The following RYR2 variants were observed in gnomAD, a reference collection of about 807,000 sequenced individuals.
The protein encoded by RYR2 is ryanodine receptor 2.
Under a neutral mutation model 601.1 loss-of-function variants are expected in RYR2, and 227 were observed. The observed-to-expected ratio is 0.38, with a 90% CI of 0.34 to 0.42. The LOEUF (loss-of-function observed/expected upper bound fraction) is 0.42, where lower values mean the gene tolerates loss of function less well. Ranked by LOEUF, RYR2 falls within the 10% of genes least tolerant of loss-of-function variation. The pLI is 1.00. For synonymous variants in RYR2, 2,223 were observed against 2,175.1 expected (o/e 1.02, Z -0.61); for missense variants, 4,646 against 6,156.5 (o/e 0.75, Z 8.21).
At chr1:237,251,127 C>G (rs781212182) in intron 1 of RYR2, among the ~76,000 whole-genome samples, 1 of 151,802 alleles carries the variant, frequency 6.6e-6, no homozygotes, top group Non-Finnish European at 1.5e-5. Context: ...TTGTCTGTTT[C>G]GATCTTTCCT....
intron 36 of RYR2, among the ~76,000 whole-genome samples, chr1:237,612,200 G>C (rs1677952815): frequency 6.6e-6 from 1 of 152,096 alleles, no homozygotes; most frequent in Admixed American, 6.5e-5. Flanking sequence ...CTACTAGTGT[G>C]GGATTTTATT....
At position 237,623,836 on chromosome 1, in the gene RYR2, A is replaced by G. The variant is rs1327855222; in HGVS notation, c.5988A>G (p.Leu1996=). ...GTCCAGAAGAAATTCGTGACCAACTATTGGATTTCCATGAAGATTTGATGA... is the reference window on the plus strand; with the variant it reads ...GTCCAGAAGAAATTCGTGACCAACTGTTGGATTTCCATGAAGATTTGATGA... ...CPCPEEIRDQ[L]LDFHEDLMTH... Residue 1996 remains leucine, a synonymous_variant, in exon 39 of 105, where the codon CTA becomes CTG. Coordinates refer to ENST00000366574, the MANE Select transcript of RYR2 (RefSeq NM_001035.3). The G allele has an allele frequency of 6.2e-7, 1 of 1,612,784 alleles. No individual in the cohort carries two copies.
At chr1:237,500,365 A>T (rs1664501937) in intron 20 of RYR2, among the ~76,000 whole-genome samples, 1 of 152,158 alleles carries the variant, frequency 6.6e-6, no homozygotes. Context: ...CAAGTAGTAG[A>T]TGGTAAGGTA....
intron 80 of RYR2, among the ~76,000 whole-genome samples, chr1:237,744,240 A>G (rs1421968334): frequency 6.6e-6 from 1 of 152,172 alleles, no homozygotes. Flanking sequence ...ATTAATATGA[A>G]CCTTGTTAAG....
chr1:237,600,748 A>G (rs1676411465), intron 34 of RYR2, among the ~76,000 whole-genome samples: 1 of 152,148 alleles, frequency 6.6e-6, no homozygotes, highest in Non-Finnish European at 1.5e-5. Context: ...ACAAACAACA[A>G]TAGTAAAAAC....
chr1:237,379,098 T>C (rs1284738849), intron 8 of RYR2, among the ~76,000 whole-genome samples: 4 of 152,232 alleles, frequency 2.6e-5, no homozygotes, highest in African/African-American at 9.6e-5. Flanking sequence ...TGATCAGATA[T>C]GCATTTTGAA....
At chr1:237,831,427 T>G (rs1349505711) in intron 103 of RYR2, 87 bp from the exon 104 acceptor site, 2 of 752,220 alleles carry the variant, frequency 2.7e-6, no homozygotes, top group Non-Finnish European at 4.5e-6. Flanking sequence ...CATAATTGAT[T>G]GCAACCATAC....
intron 80 of RYR2, among the ~76,000 whole-genome samples, chr1:237,749,374 G>C (rs1692348336): frequency 6.6e-6 from 1 of 152,092 alleles, no homozygotes; most frequent in Non-Finnish European, 1.5e-5. Flanking sequence ...GACTAAATTA[G>C]TCAATATATA....
At chr1:237,830,394 T>G in intron 102 of RYR2, 136 bp from the exon 103 acceptor site, 1 of 624,984 alleles carries the variant, frequency 1.6e-6, no homozygotes, top group South Asian at 1.8e-5. Flanking sequence ...ATTCGTGGGC[T>G]TGGCACAGCC....
chr1:237,601,581 G>C (rs58615439), intron 34 of RYR2, among the ~76,000 whole-genome samples: 34,181 of 151,830 alleles, frequency 0.23, 4,124 homozygotes, highest in East Asian at 0.47. Context: ...CTAGAAGAGA[G>C]GATTTTGTAT....
chr1:237,134,995 C>A (rs1204644438), intron 1 of RYR2, among the ~76,000 whole-genome samples: 1 of 152,126 alleles, frequency 6.6e-6, no homozygotes, highest in Non-Finnish European at 1.5e-5. Context: ...TGGAATAGAA[C>A]CATGCTGATA....
chr1:237,147,490 A>C (rs1040269707), intron 1 of RYR2, among the ~76,000 whole-genome samples: 5 of 152,158 alleles, frequency 3.3e-5, no homozygotes, highest in Admixed American at 1.3e-4. Context: ...GCCCCTCACA[A>C]TTCACGTTCC....
intron 63 of RYR2, among the ~76,000 whole-genome samples, chr1:237,695,748 A>T (rs974580340): frequency 7.9e-5 from 12 of 152,196 alleles, no homozygotes; most frequent in Non-Finnish European, 1.8e-4. Context: ...TGCTAATGGG[A>T]TTGACACTTT....
At chr1:237,520,404 C>T (rs1425685334) in intron 24 of RYR2, among the ~76,000 whole-genome samples, 1 of 152,102 alleles carries the variant, frequency 6.6e-6, no homozygotes, top group Non-Finnish European at 1.5e-5. Flanking sequence ...GGAAAGTTTT[C>T]AACTTTCCCC....
At chr1:237,363,747 G>A (rs528912003) in intron 4 of RYR2, among the ~76,000 whole-genome samples, 67 of 152,250 alleles carry the variant, frequency 4.4e-4, no homozygotes, top group Non-Finnish European at 8.5e-4. Flanking sequence ...AGAAAAAAGA[G>A]CTATTATATA....
intron 84 of RYR2, 67 bp from the exon 85 acceptor site, chr1:237,770,740 T>C (rs373114234): frequency 3.1e-6 from 3 of 965,438 alleles, no homozygotes; most frequent in East Asian, 2.6e-5. Context: ...TGTATGGAGG[T>C]GGGGACAGAA....
chr1:237,611,417 T>C (rs1677854104), intron 36 of RYR2, among the ~76,000 whole-genome samples: 1 of 152,134 alleles, frequency 6.6e-6, no homozygotes, highest in Non-Finnish European at 1.5e-5. Flanking sequence ...AAAAAACTGA[T>C]CCAAGAGATA....
At chr1:237,616,712 G>A (rs1678508813) in intron 37 of RYR2, among the ~76,000 whole-genome samples, 1 of 152,156 alleles carries the variant, frequency 6.6e-6, no homozygotes, top group African/African-American at 2.4e-5. Context: ...GGGAGGGTAA[G>A]TGTATTAGTT....
intron 14 of RYR2, among the ~76,000 whole-genome samples, chr1:237,447,480 A>C (rs1657510335): frequency 6.6e-6 from 1 of 152,156 alleles, no homozygotes; most frequent in African/African-American, 2.4e-5. Flanking sequence ...AAATCTTGAA[A>C]ATTATTTTTT....
Sources: gnomAD v4.1 joint callset for allele counts (sites outside exome capture counted in the v4.1 genomes callset) on GRCh38, gnomAD v4.1.1 for gene constraint, MANE v1.5 for transcripts, NCBI Gene and HGNC (gene_info 2026-07-23, HGNC 2026-07-21) for gene names.